The following PDE4B variants were observed in gnomAD, a reference collection of about 807,000 sequenced individuals.
PDE4B encodes 3',5'-cyclic-AMP phosphodiesterase 4B.
A neutral mutation model predicts 82.2 loss-of-function variants in PDE4B; 20 were observed. The observed-to-expected ratio is 0.24, with a 90% CI of 0.17 to 0.35. PDE4B has a LOEUF of 0.35. Ranked by LOEUF, PDE4B falls within the 10% of genes least tolerant of loss-of-function variation. The probability of loss-of-function intolerance (pLI) is 1.00; values close to 1 mark genes in which losing one functional copy is unlikely to be tolerated. For synonymous variants in PDE4B, 320 were observed against 318.9 expected (o/e 1.00, Z -0.04); for missense variants, 655 against 907.2 (o/e 0.72, Z 3.57).
chr1:66,107,700 A>G (rs12406550), intron 3 of PDE4B, among the ~76,000 whole-genome samples: 9,413 of 152,054 alleles, frequency 0.062, 427 homozygotes, highest in South Asian at 0.17. Context: ...AGCTTTCATG[A>G]TTCTAAACCT....
chr1:66,155,432 C>T (rs903265758), intron 3 of PDE4B, among the ~76,000 whole-genome samples: 3 of 152,064 alleles, frequency 2.0e-5, no homozygotes, highest in Non-Finnish European at 2.9e-5. Flanking sequence ...TATGCCTCCA[C>T]GTAGATACCC....
intron 1 of PDE4B, among the ~76,000 whole-genome samples, chr1:65,872,158 G>C (rs1188990389): frequency 6.6e-6 from 1 of 152,056 alleles, no homozygotes; most frequent in African/African-American, 2.4e-5. Context: ...TATGTGTGCA[G>C]ATATAGTCAT....
chr1:65,821,150 T>C (rs1334646361), intron 1 of PDE4B, among the ~76,000 whole-genome samples: 1 of 152,242 alleles, frequency 6.6e-6, no homozygotes. Flanking sequence ...TGACTCCAGC[T>C]GACCACAGCT....
intron 3 of PDE4B, among the ~76,000 whole-genome samples, chr1:66,185,456 A>G (rs1409213709): frequency 6.6e-6 from 1 of 152,250 alleles, no homozygotes; most frequent in East Asian, 1.9e-4. Context: ...CAGTCCCACC[A>G]ACAGTGTAAA....
At chr1:65,887,226 C>CTTTCTTTCTTTCT (rs1646791639) in intron 1 of PDE4B, among the ~76,000 whole-genome samples, 1 of 19,432 alleles carries the variant, frequency 5.1e-5, no homozygotes, top group East Asian at 1.3e-3. Flanking sequence ...TTCTTTCTTT[C>CTTTCTTTCTTTCT]TTTCTTTCTT....
Position 66,372,935 on chromosome 1 carries a change from A to G in PDE4B, c.*257A>G. ...TGGGGGCCGATTCTGATCAAGACACATGGCTTGAAAATGGAAGACACAAAA... is the reference window on the plus strand; with the variant it reads ...TGGGGGCCGATTCTGATCAAGACACGTGGCTTGAAAATGGAAGACACAAAA... On this transcript the variant is annotated 3_prime_UTR_variant, in exon 17 of 17. Coordinates refer to ENST00000341517, the MANE Select transcript of PDE4B (RefSeq NM_002600.4). 2.4e-6 allele frequency: 1 copy of G among 408,690 alleles called. No individual in the cohort carries two copies. Among genetic ancestry groups the G allele is most frequent in the Non-Finnish European group, 4.4e-6 (1 of 225,078 alleles). The allele number at this position is 408,690 out of a possible 1,614,324, so 25.3% of individuals were successfully genotyped here.
chr1:66,304,002 A>G (rs1658089025), intron 7 of PDE4B, among the ~76,000 whole-genome samples: 1 of 152,174 alleles, frequency 6.6e-6, no homozygotes, highest in African/African-American at 2.4e-5. Flanking sequence ...ACATGCAGAT[A>G]GAATATCGTA....
At chr1:66,273,202 C>T (rs1220649749) in intron 7 of PDE4B, among the ~76,000 whole-genome samples, 2 of 152,182 alleles carry the variant, frequency 1.3e-5, no homozygotes, top group African/African-American at 2.4e-5. Context: ...TCCCACTTTA[C>T]GCTGCCACCC....
chr1:65,808,664 G>A (rs1416123987), intron 1 of PDE4B, among the ~76,000 whole-genome samples: 1 of 152,192 alleles, frequency 6.6e-6, no homozygotes, highest in Non-Finnish European at 1.5e-5. Flanking sequence ...GGGGCCCTCT[G>A]AAATTTTTGG....
chr1:66,316,063 A>G (rs1659007240), intron 7 of PDE4B, among the ~76,000 whole-genome samples: 1 of 152,184 alleles, frequency 6.6e-6, no homozygotes, highest in South Asian at 2.1e-4. Flanking sequence ...CCAAACTACA[A>G]CTATTTGAAA....
rs577811739 is a variant in PDE4B at position 65,793,715 on chromosome 1, G to A, written c.-71+467G>A. Among the ~76,000 whole-genome samples, 13 of 152,312 alleles carry A rather than the reference G, an allele frequency of 8.5e-5. No individual in the cohort carries two copies. The South Asian group carries it at 1.5e-3, about 17-fold the overall frequency. ...GTGCCCTGGTGGCTGGGGCACCAAGGAGGGGCGCACTCAAGCCTCGGCATC... is the reference window on the plus strand; with the variant it reads ...GTGCCCTGGTGGCTGGGGCACCAAGAAGGGGCGCACTCAAGCCTCGGCATC... On this transcript the variant is annotated intron_variant, in intron 1 of 16. Coordinates refer to ENST00000341517, the MANE Select transcript of PDE4B (RefSeq NM_002600.4).
intron 1 of PDE4B, among the ~76,000 whole-genome samples, chr1:65,813,470 T>C (rs10465851): frequency 0.02 from 2,992 of 152,304 alleles, 98 homozygotes; most frequent in African/African-American, 0.069. Flanking sequence ...GAAAAGTATT[T>C]GGAAGGTGGT....
chr1:66,226,089 A>G (rs926428439), intron 3 of PDE4B, among the ~76,000 whole-genome samples: 3 of 152,266 alleles, frequency 2.0e-5, no homozygotes, highest in African/African-American at 7.2e-5. Context: ...AGAAATTCCA[A>G]CAGACCTTTT....
intron 3 of PDE4B, among the ~76,000 whole-genome samples, chr1:66,002,710 C>T (rs1651930687): frequency 6.6e-6 from 1 of 151,974 alleles, no homozygotes; most frequent in South Asian, 2.1e-4. Flanking sequence ...TATGTGACTT[C>T]ATCTGGAGTT....
At position 66,195,452 on chromosome 1, in the gene PDE4B, C is replaced by T. The variant is rs75959967; in HGVS notation, c.282-52008C>T. 3.7e-4 allele frequency among the ~76,000 whole-genome samples: 56 copies of T among 152,204 alleles called. No individual in the cohort carries two copies. The Middle Eastern group carries it at 0.017, about 46-fold the overall frequency. Reference sequence around the variant, plus strand: ...ACAGCCAAAGGGCCAGAGGAATACACGGACTTAAAAAGCAGTGTTTATGAA... The same window carrying T: ...ACAGCCAAAGGGCCAGAGGAATACATGGACTTAAAAAGCAGTGTTTATGAA... On this transcript the variant is annotated intron_variant, in intron 3 of 16. Transcript: ENST00000341517.
chr1:66,060,453 A>G lies in PDE4B; in HGVS notation c.281+141618A>G, dbSNP rs569011448. On this transcript the variant is annotated intron_variant, in intron 3 of 16. Coordinates refer to ENST00000341517, the MANE Select transcript of PDE4B (RefSeq NM_002600.4). ...TTCCAATGTGGTAGTCATTAGCCAG[A>G]CATGTGAATATTGAATGCTTAGATT... Among the ~76,000 whole-genome samples the G allele has an allele frequency of 7.7e-4, 118 of 152,344 alleles. 1 individual carries two copies. Among genetic ancestry groups the G allele is most frequent in the Non-Finnish European group, 1.2e-3 (84 of 68,040 alleles).
chr1:66,346,616 T>G (rs1661413665), intron 8 of PDE4B, among the ~76,000 whole-genome samples: 1 of 152,174 alleles, frequency 6.6e-6, no homozygotes, highest in African/African-American at 2.4e-5. Context: ...TGTCACATAA[T>G]CTATGTGACA....
intron 3 of PDE4B, among the ~76,000 whole-genome samples, chr1:66,202,768 T>C (rs544444578): frequency 1.3e-5 from 2 of 152,294 alleles, no homozygotes; most frequent in African/African-American, 2.4e-5. Context: ...GTTTCCTGAA[T>C]ACAGCACACT....
At chr1:66,365,879 C>A in intron 13 of PDE4B, 113 bp downstream of exon 13, 1 of 569,366 alleles carries the variant, frequency 1.8e-6, no homozygotes, top group Non-Finnish European at 3.0e-6. Context: ...TGAGGCAATC[C>A]TTCCATTTCT....
Sources: allele counts gnomAD v4.1 joint callset (sites outside exome capture counted in the v4.1 genomes callset), GRCh38; gene constraint gnomAD v4.1.1; transcripts MANE v1.5; gene names NCBI Gene and HGNC (gene_info 2026-07-23, HGNC 2026-07-21).